NGEF: variants seen among roughly 807,000 people sequenced by gnomAD.
NGEF encodes ephexin-1.
NGEF carries 31 observed loss-of-function variants against 80.9 expected under a neutral mutation model. The observed-to-expected ratio is 0.38, with a 90% CI of 0.29 to 0.52. The LOEUF (loss-of-function observed/expected upper bound fraction) is 0.52, where lower values mean the gene tolerates loss of function less well. Among genes scored for constraint, NGEF ranks in the 20% least tolerant of loss-of-function variants. The probability of loss-of-function intolerance (pLI) is 0.84; values close to 1 mark genes in which losing one functional copy is unlikely to be tolerated. For missense variants in NGEF, 709 were observed against 926.2 expected, an observed-to-expected ratio of 0.77 and a Z score of 3.04; for synonymous variants, 371 against 370.2, an observed-to-expected ratio of 1.00 and a Z score of -0.03.
intron 14 of NGEF, among the ~76,000 whole-genome samples, 188 bp from the exon 15 acceptor site, chr2:232,879,867 A>G (rs1691432659): frequency 1.3e-5 from 2 of 152,198 alleles, no homozygotes; most frequent in African/African-American, 4.8e-5. Flanking sequence ...ATAAGCTGGG[A>G]GGTGCATGAG....
At chr2:232,978,720 T>C (rs555874915) in intron 1 of NGEF, among the ~76,000 whole-genome samples, 3 of 152,254 alleles carry the variant, frequency 2.0e-5, no homozygotes, top group South Asian at 4.1e-4. Context: ...AGTCTTGGTT[T>C]GCCCTTTTCT....
chr2:232,918,479 T>C (rs939550451), intron 5 of NGEF, among the ~76,000 whole-genome samples: 6 of 152,134 alleles, frequency 3.9e-5, no homozygotes, highest in African/African-American at 1.4e-4. Context: ...TGCTGTTAAA[T>C]TTGCCACTAA....
chr2:233,001,307 A>G (rs1347539072), intron 1 of NGEF, among the ~76,000 whole-genome samples: 1 of 152,206 alleles, frequency 6.6e-6, no homozygotes, highest in Non-Finnish European at 1.5e-5. Flanking sequence ...ATCACCCCCA[A>G]TATAAGCCTC....
At chr2:232,979,395 CAG>C (rs1491066146) in intron 1 of NGEF, among the ~76,000 whole-genome samples, 731 of 7,872 alleles carry the variant, frequency 0.093, 6 homozygotes, top group Non-Finnish European at 0.12. Flanking sequence ...CACACACACA[CAG>C]GAAGAGATTG....
intron 3 of NGEF, among the ~76,000 whole-genome samples, chr2:232,954,482 T>C (rs1453087315): frequency 6.6e-6 from 1 of 151,968 alleles, no homozygotes; most frequent in Non-Finnish European, 1.5e-5. Context: ...TCCCAGCATT[T>C]TGGGAGGCTG....
chr2:232,920,386 G>A lies in NGEF; in HGVS notation c.726C>T (p.Leu242=). The change falls in exon 5 of 15, where the codon CTC becomes CTT. Residue 242 remains leucine, a synonymous_variant. Transcript: ENST00000264051. The part of the protein sequence containing the change: ...ERKTLPQICL[L]SNPHSRFNLW... ...GGTTGAACCTTGAGTGGGGGTTACT[G>A]AGCAGGCAGATCTGGGGCAGAGTCT... 6.2e-7 allele frequency: 1 copy of A among 1,614,164 alleles called. No homozygotes were observed. Among genetic ancestry groups the A allele is most frequent in the South Asian group, 1.1e-5 (1 of 91,052 alleles).
chr2:232,985,957 A>G (rs1042845455), intron 1 of NGEF, among the ~76,000 whole-genome samples: 5 of 152,120 alleles, frequency 3.3e-5, no homozygotes, highest in African/African-American at 4.8e-5. Flanking sequence ...AAAAGAAAAA[A>G]GAAAAAAAAA....
At chr2:232,943,548 T>A (rs1020466088) in intron 3 of NGEF, among the ~76,000 whole-genome samples, 5 of 122,644 alleles carry the variant, frequency 4.1e-5, no homozygotes, top group South Asian at 5.5e-4. Flanking sequence ...CAGGCTGGAG[T>A]GCAGTGGCGC....
chr2:232,948,147 A>ATGTGTGTGTGTGTGTGTG (rs375640068), intron 3 of NGEF, among the ~76,000 whole-genome samples: 8 of 141,652 alleles, frequency 5.6e-5, no homozygotes, highest in African/African-American at 1.8e-4. Context: ...TAGCCTGGAG[A>ATGTGTGTGTGTGTGTGTG]TGTGTGTGTG....
intron 8 of NGEF, among the ~76,000 whole-genome samples, chr2:232,888,371 AC>A (rs1050241786): frequency 1.8e-4 from 16 of 90,018 alleles, no homozygotes; most frequent in Admixed American, 4.6e-4. Context: ...ACACATGCAC[AC>A]CGTGTAGAAA....
intron 11 of NGEF, 21 bp from the exon 12 acceptor site, chr2:232,883,487 C>A (rs1389942380): frequency 6.4e-6 from 10 of 1,560,236 alleles, no homozygotes; most frequent in Non-Finnish European, 7.8e-6. Context: ...GGGAGAAGGG[C>A]AGGCGTGTCA....
intron 8 of NGEF, chr2:232,891,063 C>T: frequency 1.9e-6 from 1 of 528,528 alleles, no homozygotes; most frequent in South Asian, 1.5e-5. Flanking sequence ...CCTGACCCGC[C>T]CCCATCGCTG....
At chr2:232,933,286 C>T (rs1367197279) in intron 3 of NGEF, among the ~76,000 whole-genome samples, 1 of 152,026 alleles carries the variant, frequency 6.6e-6, no homozygotes, top group Non-Finnish European at 1.5e-5. Context: ...CCCTAAACAA[C>T]TAAAATTCAG....
At chr2:232,928,102 C>T in intron 3 of NGEF, 1 of 1,057,328 alleles carries the variant, frequency 9.5e-7, no homozygotes, top group Non-Finnish European at 1.1e-6. Flanking sequence ...GGTCGCAGCG[C>T]GCGCGGCTCG....
intron 3 of NGEF, among the ~76,000 whole-genome samples, chr2:232,948,645 T>A (rs1489999763): frequency 6.6e-6 from 1 of 152,172 alleles, no homozygotes; most frequent in Non-Finnish European, 1.5e-5. Context: ...ATGTTTAAAA[T>A]TTTTTCTTTT....
At chr2:232,890,084 C>T (rs1400290458) in intron 8 of NGEF, among the ~76,000 whole-genome samples, 4 of 150,682 alleles carry the variant, frequency 2.7e-5, no homozygotes, top group South Asian at 4.2e-4. Context: ...GGGTCTCGGT[C>T]CTGCCTCACT....
At chr2:232,927,822 C>T (rs1693110836) in intron 3 of NGEF, 7 of 1,035,912 alleles carry the variant, frequency 6.8e-6, no homozygotes, top group African/African-American at 1.7e-5. Context: ...GTGCCCGGGA[C>T]CCCGGGCGCA....
Position 232,888,068 on chromosome 2 carries a change from A to ACTCC in NGEF, c.1308_1311dup (p.Cys438GlyfsTer59), listed in dbSNP as rs779268696. 1 of 1,613,544 alleles carries ACTCC rather than the reference A, an allele frequency of 6.2e-7. No homozygotes were observed. Among genetic ancestry groups the ACTCC allele is most frequent in the Non-Finnish European group, 8.5e-7 (1 of 1,179,832 alleles). On this transcript the variant is annotated frameshift_variant, in exon 9 of 15. Coordinates refer to ENST00000264051, the MANE Select transcript of NGEF (RefSeq NM_019850.3). LOFTEE classifies it high-confidence loss of function. ...TCCTTGTGAGCATCCAAAGCAGTGC[A>ACTCC]CTCCCGCTCAGACCTCTCTTCTACC...
At chr2:232,964,688 A>AAAAAT (rs750781607) in intron 3 of NGEF, among the ~76,000 whole-genome samples, 26 of 152,244 alleles carry the variant, frequency 1.7e-4, no homozygotes, top group South Asian at 8.3e-4. Context: ...ACTCTGTCTC[A>AAAAAT]AAAATAAAAT....
Sources: allele counts gnomAD v4.1 joint callset (sites outside exome capture counted in the v4.1 genomes callset), GRCh38; gene constraint gnomAD v4.1.1; transcripts MANE v1.5; gene names NCBI Gene and HGNC (gene_info 2026-07-23, HGNC 2026-07-21).